Variants in KIAA0232 observed in about 807,000 individuals in gnomAD.
KIAA0232 encodes the protein KIAA0232, also known as uncharacterized protein KIAA0232.
Under a neutral mutation model 122.0 loss-of-function variants are expected in KIAA0232, and 27 were observed. The observed-to-expected ratio is 0.22, with a 90% CI of 0.16 to 0.31. The LOEUF (loss-of-function observed/expected upper bound fraction) is 0.31, where lower values mean the gene tolerates loss of function less well. KIAA0232 is among the 10% of genes least tolerant of loss of function. The pLI, the probability that KIAA0232 is intolerant of heterozygous loss-of-function variation, is 1.00. For missense variants in KIAA0232, 1,551 were observed against 1,634.2 expected, an observed-to-expected ratio of 0.95 and a Z score of 0.88; for synonymous variants, 613 against 587.6, an observed-to-expected ratio of 1.04 and a Z score of -0.63.
At chr4:6,836,928 A>T (rs962804546) in intron 3 of KIAA0232, among the ~76,000 whole-genome samples, 2 of 152,160 alleles carry the variant, frequency 1.3e-5, no homozygotes, top group East Asian at 3.8e-4. Flanking sequence ...AACAAAATGG[A>T]GTCTCCTGTC....
intron 1 of KIAA0232, among the ~76,000 whole-genome samples, chr4:6,796,721 A>C (rs556417365): frequency 6.6e-6 from 1 of 152,218 alleles, no homozygotes; most frequent in African/African-American, 2.4e-5. Context: ...GTTTTCTTTC[A>C]GCTTGTAATC....
chr4:6,875,620 G>A (rs1332603892), intron 8 of KIAA0232, among the ~76,000 whole-genome samples: 1 of 152,178 alleles, frequency 6.6e-6, no homozygotes, highest in Non-Finnish European at 1.5e-5. Flanking sequence ...GTCCTTTGGG[G>A]TGTTGTGCAA....
intron 1 of KIAA0232, among the ~76,000 whole-genome samples, chr4:6,788,795 C>A (rs1392980856): frequency 6.6e-6 from 1 of 152,098 alleles, no homozygotes; most frequent in East Asian, 1.9e-4. Context: ...CAGAACAGGG[C>A]CCAGCATATA....
intron 6 of KIAA0232, among the ~76,000 whole-genome samples, chr4:6,859,115 A>AG (rs1560198047): frequency 6.6e-6 from 1 of 151,524 alleles, no homozygotes; most frequent in African/African-American, 2.4e-5. Context: ...AAAAAAAAAA[A>AG]AAAAAAAACA....
intron 1 of KIAA0232, among the ~76,000 whole-genome samples, chr4:6,793,278 A>T (rs1001908793): frequency 2.0e-5 from 3 of 152,186 alleles, no homozygotes; most frequent in Non-Finnish European, 4.4e-5. Flanking sequence ...TTAAAAAACA[A>T]CTGTTTATTT....
rs753974837 is a variant in KIAA0232 at position 6,862,479 on chromosome 4, A to G, written c.2097A>G (p.Glu699=). The G allele has an allele frequency of 5.6e-6, 9 of 1,614,166 alleles. No homozygotes were observed. The change falls in exon 7 of 10, where the codon GAA becomes GAG. Residue 699 remains glutamate (E), a synonymous_variant. Coordinates refer to ENST00000307659, the MANE Select transcript of KIAA0232 (RefSeq NM_014743.3). ...GGACCAAAAATAGTGCCTTTGAAGA[A>G]AATGAACACTGTTCTAATCTTTCAA... ...LIWTKNSAFE[E]NEHCSNLSTR...
intron 2 of KIAA0232, among the ~76,000 whole-genome samples, chr4:6,816,504 G>T (rs1297466172): frequency 1.3e-5 from 2 of 151,982 alleles, no homozygotes; most frequent in African/African-American, 2.4e-5. Flanking sequence ...GGATGGTATC[G>T]ATCTCCTGAC....
At chr4:6,808,789 T>C (rs1717750573) in intron 2 of KIAA0232, among the ~76,000 whole-genome samples, 1 of 152,192 alleles carries the variant, frequency 6.6e-6, no homozygotes, top group Non-Finnish European at 1.5e-5. Flanking sequence ...AAACTTCTCT[T>C]TTTCAGAATT....
chr4:6,872,877 G>T (rs1721566861), intron 8 of KIAA0232, among the ~76,000 whole-genome samples: 1 of 152,198 alleles, frequency 6.6e-6, no homozygotes, highest in Admixed American at 6.5e-5. Context: ...TGGAAGGCCA[G>T]CTTGGCCAGG....
chr4:6,849,247 C>G (rs905700420), intron 4 of KIAA0232, among the ~76,000 whole-genome samples: 3 of 152,282 alleles, frequency 2.0e-5, no homozygotes, highest in African/African-American at 7.2e-5. Context: ...GAAGATGGAA[C>G]TGTCAGGATT....
intron 1 of KIAA0232, among the ~76,000 whole-genome samples, chr4:6,802,127 C>G (rs545112063): frequency 3.0e-4 from 46 of 152,270 alleles, no homozygotes; most frequent in African/African-American, 9.1e-4. Context: ...AGGGCTTGCT[C>G]GTAGGGTCCA....
rs1722101865 is a variant in KIAA0232, at chr4:6,882,077, C to G, written c.*1111C>G. ...CGCTCCGTGGGACTGGCTCCCGTTTCTCCTTGGTGAGCCCGGGGAGCCGGC... is the reference window on the plus strand; with the variant it reads ...CGCTCCGTGGGACTGGCTCCCGTTTGTCCTTGGTGAGCCCGGGGAGCCGGC... On this transcript the variant is annotated 3_prime_UTR_variant, in exon 10 of 10. Coordinates refer to ENST00000307659, the MANE Select transcript of KIAA0232 (RefSeq NM_014743.3). The G allele has an allele frequency of 6.6e-6, 1 of 152,640 alleles. No homozygotes were observed. The highest frequency in any genetic ancestry group is 2.1e-4 in the South Asian group (1 of 4,838). 9.5% of individuals were successfully genotyped at this position (152,640 alleles called of 1,614,324 possible).
chr4:6,832,294 A>G lies in KIAA0232; in HGVS notation c.231+7610A>G, dbSNP rs543764450. Among the ~76,000 whole-genome samples the G allele has an allele frequency of 3.3e-5, 5 of 150,522 alleles. No homozygotes were observed. The South Asian group carries it at 1.0e-3, about 32-fold the overall frequency. ...TTTTATTACCTGAAATTATATGATT[A>G]CTTGTGATTTAATTATGTCTCCCCT... On this transcript the variant is annotated intron_variant, in intron 3 of 9. Coordinates refer to ENST00000307659, the MANE Select transcript of KIAA0232 (RefSeq NM_014743.3).
At chr4:6,872,622 G>A (rs1721551945) in intron 8 of KIAA0232, among the ~76,000 whole-genome samples, 1 of 152,236 alleles carries the variant, frequency 6.6e-6, no homozygotes, top group Admixed American at 6.5e-5. Context: ...GTGGTCTCCT[G>A]GGCTTCTATT....
intron 9 of KIAA0232, among the ~76,000 whole-genome samples, chr4:6,880,502 A>T (rs1394183326): frequency 6.6e-6 from 1 of 152,250 alleles, no homozygotes; most frequent in African/African-American, 2.4e-5. Context: ...TTCCTGGTGC[A>T]TAGCAGGTAC....
chr4:6,844,356 A>G (rs1260814879), intron 4 of KIAA0232, among the ~76,000 whole-genome samples: 1 of 152,042 alleles, frequency 6.6e-6, no homozygotes, highest in Non-Finnish European at 1.5e-5. Context: ...CTACCCTTTC[A>G]TCCAATTATT....
At chr4:6,865,076 G>A (rs1324514448) in intron 7 of KIAA0232, among the ~76,000 whole-genome samples, 3 of 150,688 alleles carry the variant, frequency 2.0e-5, no homozygotes. Flanking sequence ...TATATGTTAA[G>A]GCTATGGAAT....
chr4:6,847,448 TTCAGTTGTG>T (rs1261771035), intron 4 of KIAA0232, among the ~76,000 whole-genome samples: 1 of 152,238 alleles, frequency 6.6e-6, no homozygotes, highest in Non-Finnish European at 1.5e-5. Context: ...AGAAGGGCAA[TTCAGTTGTG>T]TCAGAATTTA....
At position 6,842,172 on chromosome 4, in the gene KIAA0232, G is replaced by T; in HGVS notation, c.337G>T (p.Ala113Ser). Residue 113 changes from alanine to serine, a missense_variant, in exon 4 of 10, where the codon GCT becomes TCT. Transcript: ENST00000307659. ...LTLEEMKKQA[A>S]VQCLRSASDE... is the part of the protein sequence containing the mutation. ...TCTAGAAGAAATGAAAAAACAGGCT[G>T]CTGTCCAGTGTCTTCGATCTGCTTC... 1 of 1,607,756 alleles carries T rather than the reference G, an allele frequency of 6.2e-7. No individual in the cohort carries two copies. Among genetic ancestry groups the T allele is most frequent in the Non-Finnish European group, 8.5e-7 (1 of 1,177,828 alleles).
Sources: gnomAD v4.1 joint callset for allele counts (sites outside exome capture counted in the v4.1 genomes callset) on GRCh38, gnomAD v4.1.1 for gene constraint, MANE v1.5 for transcripts, NCBI Gene and HGNC (gene_info 2026-07-23, HGNC 2026-07-21) for gene names.